FAM227B: variants seen among roughly 807,000 people sequenced by gnomAD.
The protein encoded by FAM227B is protein FAM227B.
FAM227B carries 88 observed loss-of-function variants against 73.8 expected under a neutral mutation model. The ratio of observed to expected loss-of-function variants is 1.19; its 90% CI spans 1.00 to 1.42. The LOEUF is 1.42. FAM227B is among the 40% of genes most tolerant of loss of function. The pLI, the probability that FAM227B is intolerant of heterozygous loss-of-function variation, is 0.00. For missense variants in FAM227B, 632 were observed against 590.9 expected (o/e 1.07, Z -0.72); for synonymous variants, 210 against 190.5 (o/e 1.10, Z -0.84).
intron 9 of FAM227B, among the ~76,000 whole-genome samples, chr15:49,566,178 A>C (rs980102231): frequency 2.0e-5 from 3 of 152,214 alleles, no homozygotes; most frequent in African/African-American, 7.2e-5. Context: ...TTCTTTTAAG[A>C]TCTCCATGAT....
At chr15:49,369,105 T>C (rs1305817016) in intron 12 of FAM227B, among the ~76,000 whole-genome samples, 2 of 150,770 alleles carry the variant, frequency 1.3e-5, no homozygotes, top group East Asian at 3.9e-4. Context: ...ACTACAGGCG[T>C]CCACCACCAC....
intron 11 of FAM227B, among the ~76,000 whole-genome samples, chr15:49,445,573 G>T (rs1178710926): frequency 6.6e-6 from 1 of 151,158 alleles, no homozygotes; most frequent in Non-Finnish European, 1.5e-5. Context: ...CTAGATCACG[G>T]ACATACTAAT....
intron 3 of FAM227B, among the ~76,000 whole-genome samples, chr15:49,592,470 CCT>C (rs2076639007): frequency 6.6e-6 from 1 of 152,296 alleles, no homozygotes; most frequent in South Asian, 2.1e-4. Context: ...CACTCCAGAC[CCT>C]GTTTGCCTGG....
chr15:49,443,746 A>G (rs781721124), intron 11 of FAM227B, among the ~76,000 whole-genome samples: 4 of 151,772 alleles, frequency 2.6e-5, no homozygotes, highest in Admixed American at 6.6e-5. Context: ...TGTCAGAACT[A>G]TAGTTGTTCC....
intron 13 of FAM227B, among the ~76,000 whole-genome samples, chr15:49,355,696 T>C (rs2043035177): frequency 1.3e-5 from 2 of 151,132 alleles, no homozygotes; most frequent in Admixed American, 1.3e-4. Flanking sequence ...ACTTCCCCAA[T>C]CTAGCAAGGC....
chr15:49,435,721 G>T (rs1199261955), intron 11 of FAM227B, among the ~76,000 whole-genome samples: 1 of 151,398 alleles, frequency 6.6e-6, no homozygotes, highest in Non-Finnish European at 1.5e-5. Flanking sequence ...CTATATCATA[G>T]TTGCTATGTT....
intron 9 of FAM227B, among the ~76,000 whole-genome samples, chr15:49,546,394 T>C (rs7496998): frequency 0.32 from 49,367 of 152,012 alleles, 8,747 homozygotes; most frequent in African/African-American, 0.45. Context: ...GTCTTTGCTA[T>C]TGTGAATAGT....
At chr15:49,612,619 T>C (rs944140350) in intron 2 of FAM227B, among the ~76,000 whole-genome samples, 2 of 152,126 alleles carry the variant, frequency 1.3e-5, no homozygotes. Flanking sequence ...TTCTAGAGAA[T>C]GAAAATCCAG....
At chr15:49,442,236 C>G (rs552690869) in intron 11 of FAM227B, among the ~76,000 whole-genome samples, 2 of 151,440 alleles carry the variant, frequency 1.3e-5, no homozygotes, top group Non-Finnish European at 3.0e-5. Context: ...ACTATTTTTC[C>G]TAGACTATAA....
chr15:49,399,553 GA>G (rs1366065643), intron 11 of FAM227B, among the ~76,000 whole-genome samples: 1 of 147,476 alleles, frequency 6.8e-6, no homozygotes, highest in Non-Finnish European at 1.5e-5. Context: ...CAAAAAAAGA[GA>G]ATTTTAGACC....
intron 5 of FAM227B, among the ~76,000 whole-genome samples, chr15:49,580,310 G>C (rs1047933850): frequency 2.0e-5 from 3 of 152,176 alleles, no homozygotes; most frequent in Admixed American, 6.5e-5. Flanking sequence ...GGCTGAGCGA[G>C]TGCCCAGCTA....
At chr15:49,366,500 A>G (rs548170821) in intron 13 of FAM227B, 1 of 1,264,326 alleles carries the variant, frequency 7.9e-7, no homozygotes, top group African/African-American at 1.5e-5. Flanking sequence ...CATCAAACTA[A>G]TGGAAGTTGC....
chr15:49,328,612 G>GTGATGA lies in FAM227B; in HGVS notation c.1477_1482dup (p.Ser493_Ser494dup). ...AAGTTGTAGTTGTCTGTTGATGATG[G>GTGATGA]TGATGATGATGATGATGACGATAGT... On this transcript the variant is annotated inframe_insertion, in exon 16 of 16. Transcript: ENST00000299338. The GTGATGA allele has an allele frequency of 6.3e-6, 10 of 1,590,932 alleles. 1 individual carries two copies. Among genetic ancestry groups the GTGATGA allele is most frequent in the South Asian group, 3.4e-5 (3 of 88,786 alleles).
At chr15:49,611,315 C>T (rs777686157) in intron 2 of FAM227B, 47 bp from the exon 3 acceptor site, 22 of 989,788 alleles carry the variant, frequency 2.2e-5, no homozygotes, top group Non-Finnish European at 3.3e-5. Flanking sequence ...ACTCACTAGA[C>T]TGTTCATAAT....
At chr15:49,544,444 C>A (rs2071528294) in intron 9 of FAM227B, among the ~76,000 whole-genome samples, 1 of 152,096 alleles carries the variant, frequency 6.6e-6, no homozygotes, top group African/African-American at 2.4e-5. Context: ...ACAATCATAT[C>A]ATCAGAAAAC....
intron 11 of FAM227B, among the ~76,000 whole-genome samples, chr15:49,395,620 C>T (rs895960029): frequency 2.6e-5 from 4 of 152,168 alleles, no homozygotes; most frequent in African/African-American, 9.7e-5. Flanking sequence ...GCATCACATA[C>T]ATGGCAGCTA....
chr15:49,594,094 T>C (rs981960451), intron 3 of FAM227B, among the ~76,000 whole-genome samples: 4 of 152,054 alleles, frequency 2.6e-5, no homozygotes, highest in African/African-American at 9.7e-5. Context: ...CTATATTATA[T>C]ATAATTTTTT....
At chr15:49,482,269 A>C (rs2056021567) in intron 11 of FAM227B, among the ~76,000 whole-genome samples, 1 of 152,050 alleles carries the variant, frequency 6.6e-6, no homozygotes, top group Non-Finnish European at 1.5e-5. Context: ...TCATTAAAAC[A>C]CAGGATTTAA....
Position 49,590,512 on chromosome 15 carries a change from T to C in FAM227B, c.106-505A>G, listed in dbSNP as rs994291253. 3.7e-4 allele frequency among the ~76,000 whole-genome samples: 56 copies of C among 152,230 alleles called. 1 individual carries two copies. Among genetic ancestry groups the C allele is most frequent in the Admixed American group, 3.6e-3 (55 of 15,288 alleles). On this transcript the variant is annotated intron_variant, in intron 3 of 15. Transcript: ENST00000299338. ...AGGGAAGGGGGAAGATTAGAAGAGA[T>C]AATTTTAACTTATTTTCATTTTTTT... is the stretch of plus-strand genomic sequence containing the variant.
Sources: allele counts gnomAD v4.1 joint callset (sites outside exome capture counted in the v4.1 genomes callset), GRCh38; gene constraint gnomAD v4.1.1; transcripts MANE v1.5; gene names NCBI Gene and HGNC (gene_info 2026-07-23, HGNC 2026-07-21).